ADGRG7: variants seen among roughly 807,000 people sequenced by gnomAD.
The protein encoded by ADGRG7 is G-protein coupled receptor 128.
Under a neutral mutation model 88.6 loss-of-function variants are expected in ADGRG7, and 82 were observed. The ratio of observed to expected loss-of-function variants is 0.93; its 90% confidence interval spans 0.77 to 1.11. The LOEUF is 1.11. Among genes scored for constraint, ADGRG7 ranks in the 50% most tolerant of loss-of-function variants. The pLI is 0.00. For synonymous variants in ADGRG7, 381 were observed against 345.2 expected (o/e 1.10, Z -1.15); for missense variants, 945 against 953.4 (o/e 0.99, Z 0.12).
chr3:100,693,123 G>A (rs1230309075), intron 15 of ADGRG7, among the ~76,000 whole-genome samples: 1 of 152,118 alleles, frequency 6.6e-6, no homozygotes, highest in Non-Finnish European at 1.5e-5. Context: ...AATATTGGGA[G>A]TCCACCCAAA....
intron 3 of ADGRG7, among the ~76,000 whole-genome samples, chr3:100,631,023 G>A (rs1707453820): frequency 6.6e-6 from 1 of 152,094 alleles, no homozygotes; most frequent in Non-Finnish European, 1.5e-5. Flanking sequence ...TCAGTTGTTT[G>A]TGAATTTCTC....
Position 100,668,975 on chromosome 3 carries a change from A to C in ADGRG7, c.2006A>C (p.Lys669Thr). The change falls in exon 15 of 16, where the codon AAG becomes ACG. Residue 669 changes from lysine to threonine, a missense_variant. Transcript: ENST00000273352. Reference sequence around the variant, plus strand: ...ACAAAAAAAGTTTCATCCATGAAGAAGATTGTTAGCACATTATCTGTTGCA... The same window carrying C: ...ACAAAAAAAGTTTCATCCATGAAGACGATTGTTAGCACATTATCTGTTGCA... Reference protein sequence around the residue: ...TSTKKVSSMKKIVSTLSVAVV... With the variant: ...TSTKKVSSMKTIVSTLSVAVV... 1 of 1,598,414 alleles carries C rather than the reference A, an allele frequency of 6.3e-7. No homozygotes were observed. Among genetic ancestry groups the C allele is most frequent in the Non-Finnish European group, 8.5e-7 (1 of 1,174,438 alleles).
At position 100,669,037 on chromosome 3, in the gene ADGRG7, AT is replaced by A; in HGVS notation, c.2069del (p.Met690SerfsTer2). ...FGITWILAYL[M>X]LVNDDSIRIV... ...AATTACCTGGATTCTAGCATACCTGATGCTAGTTAATGATGATAGCATCAGG... is the reference window on the plus strand; with the variant it reads ...AATTACCTGGATTCTAGCATACCTGAGCTAGTTAATGATGATAGCATCAGG... On this transcript the variant is annotated frameshift_variant, in exon 15 of 16. Coordinates refer to ENST00000273352, the MANE Select transcript of ADGRG7 (RefSeq NM_032787.3). LOFTEE classifies it high-confidence loss of function. 6.2e-7 allele frequency: 1 copy of A among 1,606,448 alleles called. No homozygotes were observed. Among genetic ancestry groups the A allele is most frequent in the Non-Finnish European group, 8.5e-7 (1 of 1,176,606 alleles).
chr3:100,659,021 C>T (rs2094941262), intron 13 of ADGRG7, among the ~76,000 whole-genome samples: 1 of 152,122 alleles, frequency 6.6e-6, no homozygotes, highest in Non-Finnish European at 1.5e-5. Context: ...AACGCCACTA[C>T]AACCACCACC....
intron 15 of ADGRG7, among the ~76,000 whole-genome samples, chr3:100,672,080 T>G (rs549332410): frequency 6.6e-6 from 1 of 152,346 alleles, no homozygotes; most frequent in South Asian, 2.1e-4. Context: ...TAGTTTTTTC[T>G]AATTCTGTGA....
At chr3:100,610,178 G>A (rs1378498294) in intron 1 of ADGRG7, among the ~76,000 whole-genome samples, 2 of 152,150 alleles carry the variant, frequency 1.3e-5, no homozygotes, top group African/African-American at 2.4e-5. Context: ...AGTGGGCAGG[G>A]GGAAGAGTGA....
intron 15 of ADGRG7, among the ~76,000 whole-genome samples, chr3:100,692,016 A>G (rs1461597202): frequency 6.6e-6 from 1 of 152,210 alleles, no homozygotes; most frequent in Admixed American, 6.5e-5. Flanking sequence ...TTAAGTTGCT[A>G]AGAACGGTAA....
intron 1 of ADGRG7, among the ~76,000 whole-genome samples, chr3:100,621,794 A>T (rs910142300): frequency 6.6e-6 from 1 of 152,226 alleles, no homozygotes; most frequent in Non-Finnish European, 1.5e-5. Context: ...TTGAAAGAAG[A>T]TGCCATCTAG....
chr3:100,677,951 C>T (rs116810562), intron 15 of ADGRG7, among the ~76,000 whole-genome samples: 1,541 of 152,144 alleles, frequency 0.01, 21 homozygotes, highest in African/African-American at 0.024. Flanking sequence ...TGTACTTGAG[C>T]ATTGATATCT....
intron 14 of ADGRG7, among the ~76,000 whole-genome samples, chr3:100,667,533 T>A (rs954605532): frequency 1.2e-4 from 18 of 152,236 alleles, no homozygotes; most frequent in African/African-American, 4.3e-4. Context: ...TGCATAGTAT[T>A]CCATGGTGTA....
intron 3 of ADGRG7, among the ~76,000 whole-genome samples, chr3:100,631,755 A>C (rs1464980618): frequency 6.6e-6 from 1 of 152,184 alleles, no homozygotes; most frequent in East Asian, 1.9e-4. Flanking sequence ...AATTAAATGA[A>C]TTGCTCTTTT....
At chr3:100,610,013 T>C (rs771833549) in intron 1 of ADGRG7, 42 bp downstream of exon 1, 8 of 1,513,572 alleles carry the variant, frequency 5.3e-6, no homozygotes, top group Non-Finnish European at 7.3e-6. Context: ...TAAGAGAAGG[T>C]ATGGGACCTC....
intron 11 of ADGRG7, 43 bp from the exon 12 acceptor site, chr3:100,654,792 T>C: frequency 8.3e-7 from 1 of 1,211,552 alleles, no homozygotes; most frequent in East Asian, 2.5e-5. Context: ...GTGCAGTTGT[T>C]GTGTTTCATT....
intron 5 of ADGRG7, among the ~76,000 whole-genome samples, chr3:100,636,544 A>G (rs556269945): frequency 5.8e-4 from 89 of 152,210 alleles, no homozygotes; most frequent in Non-Finnish European, 1.0e-3. Context: ...AAACAGGGCT[A>G]CAAACCACCA....
intron 15 of ADGRG7, among the ~76,000 whole-genome samples, chr3:100,678,947 T>C (rs1010639136): frequency 6.6e-5 from 10 of 152,166 alleles, no homozygotes; most frequent in Non-Finnish European, 1.2e-4. Flanking sequence ...AGGCCTGTGG[T>C]GACCACTGTG....
rs2094999954 is a variant in ADGRG7, at chr3:100,694,970, C to A, written c.2363C>A (p.Ser788Tyr). The A allele has an allele frequency of 6.2e-7, 1 of 1,614,184 alleles. No individual in the cohort carries two copies. ...TSPSTEEITLSESDNAKESI is the reference protein window; with the variant it reads ...TSPSTEEITLYESDNAKESI ...CCGAGTACTGAGGAAATCACACTCT[C>A]TGAAAGTGACAATGCAAAGGAAAGC... Residue 788 changes from serine (S) to tyrosine (Y), a missense_variant, in exon 16 of 16, where the codon TCT (serine) becomes TAT (tyrosine). By Grantham distance (144) the Ser-to-Tyr change is moderately radical. Transcript: ENST00000273352.
chr3:100,655,838 C>A (rs1464510471), intron 12 of ADGRG7, 61 bp from the exon 13 acceptor site: 5 of 990,372 alleles, frequency 5.0e-6, no homozygotes, highest in Non-Finnish European at 6.4e-6. Context: ...CATGTATGAT[C>A]TTTTATAATT....
In ADGRG7 at chr3:100,659,228, C is replaced by G. The variant is rs1425769563; in HGVS notation, c.1824-460C>G. 2.6e-5 allele frequency among the ~76,000 whole-genome samples: 4 copies of G among 151,360 alleles called. No individual in the cohort carries two copies. In the South Asian group the frequency reaches 8.4e-4, roughly 32 times the overall value. ...TGGGTGGATCACGAGGTCAGGAGAT[C>G]GAGACCATCCTGGCTAACACGGTGA... On this transcript the variant is annotated intron_variant, in intron 13 of 15. Coordinates refer to ENST00000273352, the MANE Select transcript of ADGRG7 (RefSeq NM_032787.3).
intron 14 of ADGRG7, among the ~76,000 whole-genome samples, chr3:100,660,130 TC>T (rs2094943301): frequency 6.6e-6 from 1 of 152,206 alleles, no homozygotes; most frequent in Non-Finnish European, 1.5e-5. Flanking sequence ...AAAATTTTCG[TC>T]CCTTATCCTA....
Sources: gnomAD v4.1 joint callset for allele counts (sites outside exome capture counted in the v4.1 genomes callset) on GRCh38, gnomAD v4.1.1 for gene constraint, MANE v1.5 for transcripts, NCBI Gene and HGNC (gene_info 2026-07-23, HGNC 2026-07-21) for gene names.